The following DERA variants were observed in gnomAD, a reference collection of about 807,000 sequenced individuals.
DERA encodes the protein 2-deoxy-D-ribose 5-phosphate aldolase.
In DERA, 15 loss-of-function variants were observed where a neutral mutation model predicts 41.1. The observed-to-expected ratio is 0.37, with a 90% CI of 0.24 to 0.56. The LOEUF is 0.56. DERA is among the 20% of genes least tolerant of loss of function. The pLI, the probability that DERA is intolerant of heterozygous loss-of-function variation, is 0.81. For missense variants in DERA, 396 were observed against 403.4 expected (o/e 0.98, Z 0.16); for synonymous variants, 139 against 137.4 (o/e 1.01, Z -0.08).
chr12:16,022,179 A>G (rs1490611746), intron 6 of DERA, among the ~76,000 whole-genome samples: 2 of 152,164 alleles, frequency 1.3e-5, no homozygotes, highest in African/African-American at 4.8e-5. Flanking sequence ...TCTTAGCACC[A>G]TCCCCTTGGT....
intron 1 of DERA, among the ~76,000 whole-genome samples, chr12:15,929,050 T>G (rs533993160): frequency 3.3e-5 from 5 of 152,150 alleles, no homozygotes; most frequent in Non-Finnish European, 7.4e-5. Context: ...CACCAGGGCT[T>G]CGGGTTCAGC....
Position 15,992,778 on chromosome 12 carries a change from G to A in DERA, c.637+10342G>A, listed in dbSNP as rs1948810640. ...CACACATTAAGAATAATGCCAGAAT[G>A]TAGAAAAGTGGCTTTATCTTTCAGT... On this transcript the variant is annotated intron_variant, in intron 6 of 8. Coordinates refer to ENST00000428559, the MANE Select transcript of DERA (RefSeq NM_015954.4). This position sits in a 1 kb window ranked among gnomAD's most constrained non-coding sequence, Gnocchi z 4.3. Among the ~76,000 whole-genome samples the A allele has an allele frequency of 6.6e-6, 1 of 152,174 alleles. No homozygotes were observed. Among genetic ancestry groups the A allele is most frequent in the African/African-American group, 2.4e-5 (1 of 41,444 alleles).
rs565919132 is a variant in DERA at position 15,973,199 on chromosome 12, T to C, written c.509-9109T>C. Among the ~76,000 whole-genome samples, 414 of 152,106 alleles carry C rather than the reference T, an allele frequency of 2.7e-3. 1 individual carries two copies. Among genetic ancestry groups the C allele is most frequent in the African/African-American group, 9.5e-3 (392 of 41,368 alleles). On this transcript the variant is annotated intron_variant, in intron 5 of 8. Transcript: ENST00000428559. ...ACAACTCTTCTGCTAGTTGTGCCAC[T>C]ATATTGATTAAGCATCTGCAATGTA...
At position 15,972,039 on chromosome 12, in the gene DERA, C is replaced by A; in HGVS notation, c.508+9092C>A. The A allele has an allele frequency of 5.9e-6, 1 of 168,796 alleles. No individual in the cohort carries two copies. Among genetic ancestry groups the A allele is most frequent in the African/African-American group, 2.4e-5 (1 of 41,620 alleles). The allele number at this position is 168,796 out of a possible 1,614,324, so 10.5% of individuals were successfully genotyped here. A position where few individuals can be genotyped will look rare whatever the true frequency, so the allele number is the denominator to read the frequency against. On this transcript the variant is annotated intron_variant, in intron 5 of 8. Coordinates refer to ENST00000428559, the MANE Select transcript of DERA (RefSeq NM_015954.4). This position sits in a 1 kb window ranked among gnomAD's most constrained non-coding sequence, Gnocchi z 4.4. ...CTCGTGTAGCTTCCTGCGATCTGAC[C>A]AGGAGAGCAGGACTTTTTCACAATT...
rs1249928531 is a variant in DERA at position 15,935,293 on chromosome 12, C to T, written c.32-21643C>T. Among the ~76,000 whole-genome samples, 1 of 151,918 alleles carries T rather than the reference C, an allele frequency of 6.6e-6. No homozygotes were observed. Among genetic ancestry groups the T allele is most frequent in the Non-Finnish European group, 1.5e-5 (1 of 67,974 alleles). On this transcript the variant is annotated intron_variant, in intron 1 of 8. Coordinates refer to ENST00000428559, the MANE Select transcript of DERA (RefSeq NM_015954.4). The surrounding 1 kb of genome is among the most constrained non-coding windows in gnomAD (Gnocchi z 4.8). ...CTTGAGCCCAGGAGTTCAAGACCAC[C>T]CTGGGCAACATGGCAAAACCCTGTC...
Position 16,010,922 on chromosome 12 carries a change from G to A in DERA, c.638-21620G>A, listed in dbSNP as rs1255734798. Among the ~76,000 whole-genome samples, 1 of 151,828 alleles carries A rather than the reference G, an allele frequency of 6.6e-6. No homozygotes were observed. Among genetic ancestry groups the A allele is most frequent in the Non-Finnish European group, 1.5e-5 (1 of 68,022 alleles). On this transcript the variant is annotated intron_variant, in intron 6 of 8. Coordinates refer to ENST00000428559, the MANE Select transcript of DERA (RefSeq NM_015954.4). The surrounding 1 kb of genome is among the most constrained non-coding windows in gnomAD (Gnocchi z 5.5). ...ATTGTTGAAAAAAAAGATTTATGAT[G>A]ACATTGAGGTATGATAATCTCAAAT...
intron 1 of DERA, among the ~76,000 whole-genome samples, chr12:15,952,206 C>T (rs1471514366): frequency 6.6e-6 from 1 of 152,170 alleles, no homozygotes; most frequent in African/African-American, 2.4e-5. Flanking sequence ...GCCTGTACTT[C>T]ATTCTTTTTA....
chr12:16,026,663 A>G lies in DERA; in HGVS notation c.638-5879A>G, dbSNP rs1285810630. Among the ~76,000 whole-genome samples, 1 of 151,392 alleles carries G rather than the reference A, an allele frequency of 6.6e-6. No homozygotes were observed. The highest frequency in any genetic ancestry group is 6.6e-5 in the Admixed American group (1 of 15,222). On this transcript the variant is annotated intron_variant, in intron 6 of 8. Coordinates refer to ENST00000428559, the MANE Select transcript of DERA (RefSeq NM_015954.4). This position sits in a 1 kb window ranked among gnomAD's most constrained non-coding sequence, Gnocchi z 4.4. ...TTATTTAAAAATTTAACAAATTACT[A>G]AAAACTATTTATAACCTTCCAAAAG...
chr12:16,001,296 C>A lies in DERA; in HGVS notation c.637+18860C>A, dbSNP rs1005253694. Among the ~76,000 whole-genome samples the A allele has an allele frequency of 2.6e-5, 4 of 152,000 alleles. No homozygotes were observed. The highest frequency in any genetic ancestry group is 1.9e-4 in the East Asian group (1 of 5,200). On this transcript the variant is annotated intron_variant, in intron 6 of 8. Transcript: ENST00000428559. This position sits in a 1 kb window ranked among gnomAD's most constrained non-coding sequence, Gnocchi z 4.1. ...TTGTTTTTAGAAGAAATAAAAAAAACCATTCAGGCTCCCATGAGGTGATCA... is the reference window on the plus strand; with the variant it reads ...TTGTTTTTAGAAGAAATAAAAAAAAACATTCAGGCTCCCATGAGGTGATCA...
chr12:15,990,499 T>G lies in DERA; in HGVS notation c.637+8063T>G, dbSNP rs982071950. On this transcript the variant is annotated intron_variant, in intron 6 of 8. Transcript: ENST00000428559. The surrounding 1 kb of genome is among the most constrained non-coding windows in gnomAD (Gnocchi z 4.3). Reference sequence around the variant, plus strand: ...GGGGTACAAGTACAGGTTTGTTACATAGGTGAACTTGTGTCATGGGGTTTT... The same window carrying G: ...GGGGTACAAGTACAGGTTTGTTACAGAGGTGAACTTGTGTCATGGGGTTTT... Among the ~76,000 whole-genome samples the G allele has an allele frequency of 2.0e-5, 3 of 152,192 alleles. No individual in the cohort carries two copies. The East Asian group carries it at 5.8e-4, about 29-fold the overall frequency.
Position 16,032,590 on chromosome 12 carries a change from C to T in DERA, c.686C>T (p.Thr229Ile), listed in dbSNP as rs1194097129. The T allele has an allele frequency of 1.9e-6, 3 of 1,566,164 alleles. No individual in the cohort carries two copies. The highest frequency in any genetic ancestry group is 1.7e-6 in the Non-Finnish European group (2 of 1,155,060). The stretch of plus-strand genomic sequence containing the variant: ...ACTGGAAAAGAAACAGTAAATGCCA[C>T]CTTCCCGGTAGCTATAGTAATGCTG... The part of the protein sequence containing the change: ...TSTGKETVNA[T>I]FPVAIVMLRA... Residue 229 changes from threonine (T) to isoleucine (I), a missense_variant, in exon 7 of 9, where the codon ACC becomes ATC. Coordinates refer to ENST00000428559, the MANE Select transcript of DERA (RefSeq NM_015954.4).
chr12:15,979,428 A>G (rs1948718859), intron 5 of DERA, among the ~76,000 whole-genome samples: 2 of 152,346 alleles, frequency 1.3e-5, no homozygotes, highest in African/African-American at 2.4e-5. Flanking sequence ...CTATTCTTTC[A>G]TCTTTGCCTC....
intron 5 of DERA, among the ~76,000 whole-genome samples, chr12:15,977,589 G>A (rs1309443361): frequency 6.6e-6 from 1 of 152,158 alleles, no homozygotes; most frequent in Admixed American, 6.5e-5. Context: ...AGAGTAGCTG[G>A]GATTACAGGC....
rs1427709707 is a variant in DERA, at chr12:15,988,349, G to A, written c.637+5913G>A. Among the ~76,000 whole-genome samples, 8 of 152,160 alleles carry A rather than the reference G, an allele frequency of 5.3e-5. No individual in the cohort carries two copies. The highest frequency in any genetic ancestry group is 1.9e-4 in the African/African-American group (8 of 41,446). On this transcript the variant is annotated intron_variant, in intron 6 of 8. Transcript: ENST00000428559. The surrounding 1 kb of genome is among the most constrained non-coding windows in gnomAD (Gnocchi z 6.0). Reference sequence around the variant, plus strand: ...CTTGGACAACTGGAGGGTGAGCAAGGCACAGAGGAGCTTCATTAAGCAACA... The same window carrying A: ...CTTGGACAACTGGAGGGTGAGCAAGACACAGAGGAGCTTCATTAAGCAACA...
At chr12:15,912,220 T>C (rs1227566669) in intron 1 of DERA, among the ~76,000 whole-genome samples, 1 of 151,950 alleles carries the variant, frequency 6.6e-6, no homozygotes. Flanking sequence ...GTGATGACTC[T>C]TAACGAGCAT....
rs1393511149 is a variant in DERA, at chr12:15,959,200, A to G, written c.278-629A>G. ...TTATTATGTTTATTTCGTGTTGGCC[A>G]TAAAAATATCACCTTATTTATTGCA... On this transcript the variant is annotated intron_variant, in intron 3 of 8. Transcript: ENST00000428559. This position sits in a 1 kb window ranked among gnomAD's most constrained non-coding sequence, Gnocchi z 4.5. Among the ~76,000 whole-genome samples the G allele has an allele frequency of 1.3e-5, 2 of 152,218 alleles. No homozygotes were observed. Among genetic ancestry groups the G allele is most frequent in the East Asian group, 3.8e-4 (2 of 5,202 alleles).
Position 15,957,576 on chromosome 12 carries a change from T to A in DERA, c.129+543T>A, listed in dbSNP as rs574798049. Among the ~76,000 whole-genome samples, 2 of 152,348 alleles carry A rather than the reference T, an allele frequency of 1.3e-5. No individual in the cohort carries two copies. The highest frequency in any genetic ancestry group is 1.3e-4 in the Admixed American group (2 of 15,310). On this transcript the variant is annotated intron_variant, in intron 2 of 8. Transcript: ENST00000428559. The surrounding 1 kb of genome is among the most constrained non-coding windows in gnomAD (Gnocchi z 4.8). Reference sequence around the variant, plus strand: ...CGTGCTGTGTAGGATTAAAGGGAATTCAGAGTTCATTTCACAAGTGAGACA... The same window carrying A: ...CGTGCTGTGTAGGATTAAAGGGAATACAGAGTTCATTTCACAAGTGAGACA...
intron 1 of DERA, among the ~76,000 whole-genome samples, chr12:15,934,358 G>A (rs570312729): frequency 6.6e-6 from 1 of 152,206 alleles, no homozygotes; most frequent in East Asian, 1.9e-4. Context: ...AGGCCGAGGC[G>A]GGTGAATCAC....
rs937234060 is a variant in DERA, at chr12:16,000,900, G to A, written c.637+18464G>A. 3.9e-5 allele frequency among the ~76,000 whole-genome samples: 6 copies of A among 152,038 alleles called. No homozygotes were observed. Among genetic ancestry groups the A allele is most frequent in the Non-Finnish European group, 7.4e-5 (5 of 67,998 alleles). Reference sequence around the variant, plus strand: ...AGTAGATAACTTAGACAATTAAAAAGCAGGTTTTGTTCTGCCTTTTTCTGC... The same window carrying A: ...AGTAGATAACTTAGACAATTAAAAAACAGGTTTTGTTCTGCCTTTTTCTGC... On this transcript the variant is annotated intron_variant, in intron 6 of 8. Coordinates refer to ENST00000428559, the MANE Select transcript of DERA (RefSeq NM_015954.4). This position sits in a 1 kb window ranked among gnomAD's most constrained non-coding sequence, Gnocchi z 4.8.
Sources: gnomAD v4.1 joint callset for allele counts (sites outside exome capture counted in the v4.1 genomes callset) on GRCh38, gnomAD v4.1.1 for gene constraint, Gnocchi (gnomAD v3.1) non-coding constraint, MANE v1.5 for transcripts, NCBI Gene and HGNC (gene_info 2026-07-23, HGNC 2026-07-21) for gene names.